The following NALF1 variants were observed in gnomAD, a reference collection of about 807,000 sequenced individuals.
NALF1 encodes family with sequence similarity 155 member A.
In NALF1, 3 loss-of-function variants were observed where a neutral mutation model predicts 48.4. The ratio of observed to expected loss-of-function variants is 0.06; its 90% CI spans 0.03 to 0.16. The LOEUF (loss-of-function observed/expected upper bound fraction) is 0.16, where lower values mean the gene tolerates loss of function less well. Ranked by LOEUF, NALF1 falls within the 10% of genes least tolerant of loss-of-function variation. The pLI is 1.00. For missense variants in NALF1, 526 were observed against 571.5 expected (o/e 0.92, Z 0.81); for synonymous variants, 262 against 245.7 (o/e 1.07, Z -0.62).
intron 1 of NALF1, among the ~76,000 whole-genome samples, chr13:107,638,945 T>C (rs886468533): frequency 6.6e-6 from 1 of 152,176 alleles, no homozygotes; most frequent in Non-Finnish European, 1.5e-5. Context: ...GAGACACTGA[T>C]GGCTGACGTC....
In NALF1 at chr13:107,674,552, A is replaced by T. The variant is rs567693959; in HGVS notation, c.915+191130T>A. On this transcript the variant is annotated intron_variant, in intron 1 of 2. Transcript: ENST00000375915. ...CATTATTTTTTCTTAAATAGCATTT[A>T]TTGAGTCCATTCTACTTGCCATGCA... Among the ~76,000 whole-genome samples, 21 of 152,284 alleles carry T rather than the reference A, an allele frequency of 1.4e-4. No homozygotes were observed. In the East Asian group the frequency reaches 4.1e-3, roughly 29 times the overall value.
chr13:107,816,391 G>A (rs531524921), intron 1 of NALF1, among the ~76,000 whole-genome samples: 18 of 152,220 alleles, frequency 1.2e-4, no homozygotes, highest in African/African-American at 4.3e-4. Flanking sequence ...CATGGTGGAA[G>A]GCAAAAGGCA....
chr13:107,567,891 A>T (rs188678066), intron 1 of NALF1, among the ~76,000 whole-genome samples: 2 of 152,276 alleles, frequency 1.3e-5, no homozygotes, highest in Admixed American at 1.3e-4. Flanking sequence ...TATCCTTTTG[A>T]GAAGGGCTAT....
chr13:107,561,981 A>T (rs192685901), intron 1 of NALF1, among the ~76,000 whole-genome samples: 1 of 152,350 alleles, frequency 6.6e-6, no homozygotes, highest in Admixed American at 6.5e-5. Flanking sequence ...AATATGCAAA[A>T]TGGAGCCTGC....
intron 1 of NALF1, among the ~76,000 whole-genome samples, chr13:107,240,203 A>T (rs1209982616): frequency 6.6e-6 from 1 of 152,170 alleles, no homozygotes; most frequent in Non-Finnish European, 1.5e-5. Flanking sequence ...TTAATTTAAA[A>T]TTCTCCCATA....
At chr13:107,184,703 T>C (rs1214906244) in intron 2 of NALF1, among the ~76,000 whole-genome samples, 2 of 152,236 alleles carry the variant, frequency 1.3e-5, no homozygotes, top group African/African-American at 4.8e-5. Flanking sequence ...CAAATTGTAT[T>C]GAGAGCTGAT....
chr13:107,326,336 C>T (rs1420246978), intron 1 of NALF1, among the ~76,000 whole-genome samples: 1 of 152,022 alleles, frequency 6.6e-6, no homozygotes, highest in Admixed American at 6.6e-5. Flanking sequence ...CAGAGCTTCT[C>T]GGGCATTCCT....
At chr13:107,387,092 G>C (rs188017960) in intron 1 of NALF1, among the ~76,000 whole-genome samples, 7 of 152,258 alleles carry the variant, frequency 4.6e-5, no homozygotes, top group Admixed American at 2.6e-4. Flanking sequence ...CGACTATGAT[G>C]GGTAGATGCA....
At chr13:107,357,232 C>T (rs778861471) in intron 1 of NALF1, among the ~76,000 whole-genome samples, 74 of 152,134 alleles carry the variant, frequency 4.9e-4, no homozygotes, top group Non-Finnish European at 8.7e-4. Context: ...AGAAGGCAAA[C>T]GGGAAGCAAG....
chr13:107,337,129 T>C (rs1220569696), intron 1 of NALF1, among the ~76,000 whole-genome samples: 1 of 150,880 alleles, frequency 6.6e-6, no homozygotes, highest in Non-Finnish European at 1.5e-5. Flanking sequence ...GCTTCCACTT[T>C]GGAAAATGTA....
At chr13:107,400,784 T>G (rs1883791546) in intron 1 of NALF1, among the ~76,000 whole-genome samples, 1 of 152,146 alleles carries the variant, frequency 6.6e-6, no homozygotes, top group East Asian at 1.9e-4. Context: ...CTTAGAAAAC[T>G]TCACTTGTGA....
chr13:107,473,330 T>C (rs1294157477), intron 1 of NALF1, among the ~76,000 whole-genome samples: 1 of 151,238 alleles, frequency 6.6e-6, no homozygotes, highest in Non-Finnish European at 1.5e-5. Context: ...TTCACCTGTT[T>C]GCTTTGTTGA....
At chr13:107,353,746 A>G (rs1276833191) in intron 1 of NALF1, among the ~76,000 whole-genome samples, 1 of 152,250 alleles carries the variant, frequency 6.6e-6, no homozygotes, top group African/African-American at 2.4e-5. Context: ...TTCGGCAGCA[A>G]CAGAGAATTA....
chr13:107,699,902 T>G (rs923656967), intron 1 of NALF1, among the ~76,000 whole-genome samples: 2 of 151,948 alleles, frequency 1.3e-5, no homozygotes, highest in African/African-American at 4.8e-5. Context: ...ACAATCCCAT[T>G]TATAATAGAA....
At chr13:107,231,070 A>G (rs1329414512) in intron 1 of NALF1, among the ~76,000 whole-genome samples, 1 of 151,550 alleles carries the variant, frequency 6.6e-6, no homozygotes, top group Non-Finnish European at 1.5e-5. Context: ...AAAAAAAAAA[A>G]AAAAAAAAAG....
At chr13:107,254,290 T>G (rs1228674764) in intron 1 of NALF1, among the ~76,000 whole-genome samples, 2 of 152,112 alleles carry the variant, frequency 1.3e-5, no homozygotes, top group Admixed American at 1.3e-4. Context: ...AGTCAGAATT[T>G]CAACTCTGGT....
intron 1 of NALF1, among the ~76,000 whole-genome samples, chr13:107,730,529 C>A (rs1168255266): frequency 6.6e-6 from 1 of 152,138 alleles, no homozygotes; most frequent in Non-Finnish European, 1.5e-5. Flanking sequence ...TGGCTGGAAT[C>A]GAAATGAGTC....
intron 1 of NALF1, among the ~76,000 whole-genome samples, chr13:107,636,063 G>A (rs1220023116): frequency 2.0e-5 from 3 of 151,972 alleles, no homozygotes; most frequent in Non-Finnish European, 4.4e-5. Context: ...AAGTAATTGC[G>A]GCTTTTGCCA....
At chr13:107,845,775 T>C (rs1880155831) in intron 1 of NALF1, among the ~76,000 whole-genome samples, 1 of 152,102 alleles carries the variant, frequency 6.6e-6, no homozygotes. Context: ...ATTTTAAAAT[T>C]ACAAGTGAAC....
Sources: allele counts gnomAD v4.1 joint callset (sites outside exome capture counted in the v4.1 genomes callset), GRCh38; gene constraint gnomAD v4.1.1; transcripts MANE v1.5; gene names NCBI Gene and HGNC (gene_info 2026-07-23, HGNC 2026-07-21).